Variants in SPATA17 observed in about 807,000 individuals in gnomAD.
The protein encoded by SPATA17 is spermatogenesis associated 17.
A neutral mutation model predicts 62.2 loss-of-function variants in SPATA17; 53 were observed. The observed-to-expected ratio is 0.85, with a 90% CI of 0.68 to 1.07. SPATA17 has a LOEUF of 1.07. SPATA17 is among the 50% of genes least tolerant of loss of function. The pLI is 0.00. For synonymous variants in SPATA17, 146 were observed against 146.8 expected (o/e 0.99, Z 0.04); for missense variants, 466 against 425.5 (o/e 1.10, Z -0.84).
intron 5 of SPATA17, among the ~76,000 whole-genome samples, chr1:217,741,227 C>A (rs1402011713): frequency 1.3e-5 from 2 of 152,136 alleles, no homozygotes; most frequent in Admixed American, 1.3e-4. Context: ...AAGGATTTTT[C>A]TCCATATTTG....
intron 3 of SPATA17, among the ~76,000 whole-genome samples, chr1:217,662,869 A>G (rs1008022571): frequency 1.7e-4 from 26 of 152,198 alleles, no homozygotes; most frequent in African/African-American, 6.0e-4. Flanking sequence ...CTTCCAAATC[A>G]GTTATAAGAT....
intron 5 of SPATA17, among the ~76,000 whole-genome samples, chr1:217,699,778 G>T (rs1031485608): frequency 6.6e-6 from 1 of 151,898 alleles, no homozygotes; most frequent in Non-Finnish European, 1.5e-5. Context: ...AGATGGCTTT[G>T]TCTGTCCCTA....
intron 6 of SPATA17, among the ~76,000 whole-genome samples, chr1:217,746,655 T>A (rs1183183585): frequency 6.6e-6 from 1 of 151,854 alleles, no homozygotes; most frequent in African/African-American, 2.4e-5. Flanking sequence ...TAAGCCTATT[T>A]TTAGTACAAA....
chr1:217,738,695 C>CA (rs1672565734), intron 5 of SPATA17, among the ~76,000 whole-genome samples: 1 of 152,066 alleles, frequency 6.6e-6, no homozygotes, highest in Admixed American at 6.5e-5. Context: ...CTCACGCCTG[C>CA]AATCCCAACA....
intron 3 of SPATA17, among the ~76,000 whole-genome samples, chr1:217,660,916 T>C (rs1034927656): frequency 1.3e-5 from 2 of 152,236 alleles, no homozygotes; most frequent in African/African-American, 2.4e-5. Flanking sequence ...TACTCGGTTA[T>C]GCTTACAAAA....
chr1:217,659,697 A>G (rs1329120412), intron 3 of SPATA17, among the ~76,000 whole-genome samples: 1 of 152,118 alleles, frequency 6.6e-6, no homozygotes, highest in Non-Finnish European at 1.5e-5. Context: ...GGGTGGCCCA[A>G]ATTGGCTCGT....
intron 6 of SPATA17, among the ~76,000 whole-genome samples, chr1:217,746,363 A>G (rs1430599387): frequency 6.6e-6 from 1 of 151,814 alleles, no homozygotes; most frequent in Non-Finnish European, 1.5e-5. Context: ...GATGATTTAT[A>G]TTGGTGATTG....
At chr1:217,696,297 A>G (rs897338760) in intron 5 of SPATA17, among the ~76,000 whole-genome samples, 19 of 152,098 alleles carry the variant, frequency 1.2e-4, no homozygotes, top group African/African-American at 4.6e-4. Context: ...CCGAAAGGGA[A>G]CTCCCTGACC....
chr1:217,650,996 T>C lies in SPATA17; in HGVS notation c.159-101T>C, dbSNP rs1201118575. On this transcript the variant is annotated intron_variant, in intron 2 of 10. Coordinates refer to ENST00000366933, the MANE Select transcript of SPATA17 (RefSeq NM_138796.4). ...TTTAAAAGTGCACATAAACTTGGCT[T>C]TGAATTTGAATTCTTGAATTGTAGG... The C allele has an allele frequency of 3.5e-6, 3 of 863,258 alleles. No homozygotes were observed. In the African/African-American group the frequency reaches 5.1e-5, roughly 15 times the overall value. The allele number at this position is 863,258 out of a possible 1,614,324, so 53.5% of individuals were successfully genotyped here.
At chr1:217,753,326 C>A (rs1057365180) in intron 6 of SPATA17, among the ~76,000 whole-genome samples, 2 of 152,164 alleles carry the variant, frequency 1.3e-5, no homozygotes, top group Non-Finnish European at 2.9e-5. Context: ...TAAGTTTTAA[C>A]TTTTGTTTCA....
At chr1:217,764,763 T>C (rs1008317045) in intron 6 of SPATA17, among the ~76,000 whole-genome samples, 1 of 152,174 alleles carries the variant, frequency 6.6e-6, no homozygotes, top group Non-Finnish European at 1.5e-5. Flanking sequence ...ATTTTGGCCA[T>C]TTCAGTTGGT....
chr1:217,739,777 T>A (rs2102946684), intron 5 of SPATA17, among the ~76,000 whole-genome samples: 1 of 152,270 alleles, frequency 6.6e-6, no homozygotes, highest in South Asian at 2.1e-4. Flanking sequence ...CAAAGAATGT[T>A]TGACATAAAT....
chr1:217,704,230 CTTTTTTTTTTT>C (rs560591615), intron 5 of SPATA17, among the ~76,000 whole-genome samples: 12 of 41,716 alleles, frequency 2.9e-4, no homozygotes, highest in South Asian at 1.5e-3. Flanking sequence ...TTCCCTCTAC[CTTTTTTTTTTT>C]TTTTTTTTTT....
At position 217,785,558 on chromosome 1, in the gene SPATA17, C is replaced by T. The variant is rs115316646; in HGVS notation, c.872+3236C>T. ...CAAAAATCTGCCCGCATGATCCAAT[C>T]ACCTCCCACCAGATCCCTCCACCAA... On this transcript the variant is annotated intron_variant, in intron 8 of 10. Transcript: ENST00000366933. 6.9e-3 allele frequency among the ~76,000 whole-genome samples: 1,044 copies of T among 152,252 alleles called. 10 individuals are homozygous for T. Among genetic ancestry groups the T allele is most frequent in the African/African-American group, 0.023 (962 of 41,558 alleles).
At chr1:217,654,717 C>CTT (rs199930213) in intron 3 of SPATA17, among the ~76,000 whole-genome samples, 23 of 134,594 alleles carry the variant, frequency 1.7e-4, no homozygotes, top group African/African-American at 4.4e-4. Context: ...TTTACATAAT[C>CTT]TTTTTTTTTT....
rs540658949 is a variant in SPATA17 at position 217,709,789 on chromosome 1, G to A, written c.395+26428G>A. On this transcript the variant is annotated intron_variant, in intron 5 of 10. Coordinates refer to ENST00000366933, the MANE Select transcript of SPATA17 (RefSeq NM_138796.4). ...TGTTGATTTTCAGCATTTTGCCTAG[G>A]ATAAAAGTTACTTTACCTTGACTTA... Among the ~76,000 whole-genome samples, 8 of 152,170 alleles carry A rather than the reference G, an allele frequency of 5.3e-5. No individual in the cohort carries two copies. The South Asian group carries it at 1.5e-3, about 28-fold the overall frequency.
At chr1:217,798,109 C>T (rs560746350) in intron 8 of SPATA17, among the ~76,000 whole-genome samples, 81 of 152,260 alleles carry the variant, frequency 5.3e-4, no homozygotes, top group African/African-American at 1.8e-3. Flanking sequence ...AAGCAATTGA[C>T]ATAATTCCTA....
At chr1:217,639,929 G>A (rs1038898253) in intron 1 of SPATA17, among the ~76,000 whole-genome samples, 7 of 151,946 alleles carry the variant, frequency 4.6e-5, no homozygotes, top group Non-Finnish European at 1.0e-4. Context: ...TTTTGCCGTG[G>A]CCATCAACCA....
At chr1:217,802,862 C>G (rs1353240914) in intron 9 of SPATA17, among the ~76,000 whole-genome samples, 1 of 152,114 alleles carries the variant, frequency 6.6e-6, no homozygotes, top group Non-Finnish European at 1.5e-5. Flanking sequence ...AGTACCCACT[C>G]TAAAGTCTAA....
Sources: gnomAD v4.1 joint callset for allele counts (sites outside exome capture counted in the v4.1 genomes callset) on GRCh38, gnomAD v4.1.1 for gene constraint, MANE v1.5 for transcripts, NCBI Gene and HGNC (gene_info 2026-07-23, HGNC 2026-07-21) for gene names.